The following LANCL2 variants were observed in gnomAD, a reference collection of about 807,000 sequenced individuals.
LANCL2 encodes LanC like glutathione S-transferase 2, also known as lanC-like protein 2.
LANCL2 carries 33 observed loss-of-function variants against 56.9 expected under a neutral mutation model. The ratio of observed to expected loss-of-function variants is 0.58; its 90% CI spans 0.44 to 0.78. The LOEUF (loss-of-function observed/expected upper bound fraction) is 0.78. Ranked by LOEUF, LANCL2 falls within the 30% of genes least tolerant of loss-of-function variation. The probability of loss-of-function intolerance (pLI) is 0.00; values close to 1 mark genes in which losing one functional copy is unlikely to be tolerated. For synonymous variants in LANCL2, 233 were observed against 228.2 expected, an observed-to-expected ratio of 1.02 and a Z score of -0.19; for missense variants, 562 against 580.2, an observed-to-expected ratio of 0.97 and a Z score of 0.32.
At chr7:55,381,461 G>C (rs189245188) in intron 1 of LANCL2, among the ~76,000 whole-genome samples, 31 of 152,346 alleles carry the variant, frequency 2.0e-4, no homozygotes, top group African/African-American at 7.2e-4. Flanking sequence ...ACCCAAAGAA[G>C]CTTAGCTAAA....
chr7:55,391,841 C>T lies in LANCL2; in HGVS notation c.253C>T (p.Leu85=), dbSNP rs1432207213. The change falls in exon 2 of 9, where the codon CTG becomes TTG. Residue 85 remains leucine, a synonymous_variant. Transcript: ENST00000254770. Reference sequence around the variant, plus strand: ...GATCCAGACCAAAATTAAAGATCTTCTGCAGCAAATGGAAGAAGGGCTGAA... The same window carrying T: ...GATCCAGACCAAAATTAAAGATCTTTTGCAGCAAATGGAAGAAGGGCTGAA... ...RRIQTKIKDL[L]QQMEEGLKTA... 6.2e-7 allele frequency: 1 copy of T among 1,612,872 alleles called. No homozygotes were observed. The highest frequency in any genetic ancestry group is 8.5e-7 in the Non-Finnish European group (1 of 1,178,970).
chr7:55,401,354 T>C (rs376348172), intron 5 of LANCL2, 34 bp downstream of exon 5: 176 of 1,569,044 alleles, frequency 1.1e-4, no homozygotes, highest in Non-Finnish European at 1.4e-4. Context: ...CTACAGTATA[T>C]TTGATCAAAC....
intron 2 of LANCL2, among the ~76,000 whole-genome samples, chr7:55,397,911 C>T (rs1790274442): frequency 6.6e-6 from 1 of 150,970 alleles, no homozygotes; most frequent in Admixed American, 6.6e-5. Flanking sequence ...GTTCATTGGT[C>T]AGTTGTAGGG....
chr7:55,382,896 C>A (rs1315819155), intron 1 of LANCL2, among the ~76,000 whole-genome samples: 4 of 152,176 alleles, frequency 2.6e-5, no homozygotes. Flanking sequence ...GCATTCTGGT[C>A]CCCAGGCAAG....
At chr7:55,368,578 A>G (rs145546124) in intron 1 of LANCL2, among the ~76,000 whole-genome samples, 2 of 152,388 alleles carry the variant, frequency 1.3e-5, no homozygotes, top group East Asian at 1.9e-4. Context: ...TATGATTGAC[A>G]TTAAATTTTT....
chr7:55,384,559 ATAAT>A (rs879494823), intron 1 of LANCL2, among the ~76,000 whole-genome samples: 1 of 152,144 alleles, frequency 6.6e-6, no homozygotes, highest in Admixed American at 6.5e-5. Flanking sequence ...CTCTAAAAAA[ATAAT>A]TAATTAAAAA....
chr7:55,410,499 C>T (rs1790458647), intron 5 of LANCL2, among the ~76,000 whole-genome samples: 2 of 152,096 alleles, frequency 1.3e-5, no homozygotes, highest in African/African-American at 4.8e-5. Context: ...TAGGAGATGT[C>T]ATGTTGTAAA....
intron 5 of LANCL2, among the ~76,000 whole-genome samples, chr7:55,407,722 C>A (rs902509350): frequency 6.6e-6 from 1 of 152,230 alleles, no homozygotes; most frequent in Admixed American, 6.5e-5. Flanking sequence ...AGCTGCAGCT[C>A]CTTCCTGAGT....
chr7:55,403,165 G>A lies in LANCL2; in HGVS notation c.825+1845G>A, dbSNP rs537456729. On this transcript the variant is annotated intron_variant, in intron 5 of 8. Transcript: ENST00000254770. Reference sequence around the variant, plus strand: ...CTGGGCACCATTGAACACTGAGTGAGTGAACGCGACTCCGTCTGCCATCCC... The same window carrying A: ...CTGGGCACCATTGAACACTGAGTGAATGAACGCGACTCCGTCTGCCATCCC... Among the ~76,000 whole-genome samples, 21 of 152,396 alleles carry A rather than the reference G, an allele frequency of 1.4e-4. No individual in the cohort carries two copies. The East Asian group carries it at 3.9e-3, about 28-fold the overall frequency.
intron 8 of LANCL2, among the ~76,000 whole-genome samples, chr7:55,428,714 T>C (rs1338921225): frequency 6.6e-6 from 1 of 152,212 alleles, no homozygotes; most frequent in African/African-American, 2.4e-5. Context: ...CTGTTAGCAA[T>C]GGAAGAAATA....
chr7:55,377,048 A>G (rs1790011337), intron 1 of LANCL2, among the ~76,000 whole-genome samples: 1 of 152,230 alleles, frequency 6.6e-6, no homozygotes, highest in South Asian at 2.1e-4. Flanking sequence ...CTTCATGCCA[A>G]GATAAAGAAA....
chr7:55,410,947 T>TGTG (rs35568268), intron 5 of LANCL2, among the ~76,000 whole-genome samples: 96,503 of 151,498 alleles, frequency 0.64, 31,215 homozygotes, highest in Admixed American at 0.71. Flanking sequence ...AAGGATGTCA[T>TGTG]GTGGTGACAT....
chr7:55,378,355 G>A (rs1019296241), intron 1 of LANCL2, among the ~76,000 whole-genome samples: 4 of 152,072 alleles, frequency 2.6e-5, no homozygotes, highest in African/African-American at 9.7e-5. Context: ...AGCTACCCGG[G>A]AGGCTGAGGC....
rs1461930714 is a variant in LANCL2, at chr7:55,433,262, C to A, written c.*1942C>A. 1 of 152,254 alleles carries A rather than the reference C, an allele frequency of 6.6e-6. No homozygotes were observed. Among genetic ancestry groups the A allele is most frequent in the Admixed American group, 6.5e-5 (1 of 15,290 alleles). 9.4% of individuals were successfully genotyped at this position (152,254 alleles called of 1,614,324 possible). A position where few individuals can be genotyped will look rare whatever the true frequency, so the allele number is the denominator to read the frequency against. ...AGTCCATCCACACACGTTTGAAAAA[C>A]ACTATTAGTCTTTCTAACACACTGA... is the stretch of plus-strand genomic sequence containing the variant. On this transcript the variant is annotated 3_prime_UTR_variant, in exon 9 of 9. Transcript: ENST00000254770.
At chr7:55,417,324 C>A (rs1790555562) in intron 6 of LANCL2, among the ~76,000 whole-genome samples, 2 of 151,906 alleles carry the variant, frequency 1.3e-5, no homozygotes, top group Non-Finnish European at 2.9e-5. Context: ...TGTTCCCATA[C>A]CTTTTGTGGA....
At chr7:55,393,586 T>C (rs1054038953) in intron 2 of LANCL2, among the ~76,000 whole-genome samples, 6 of 152,102 alleles carry the variant, frequency 3.9e-5, no homozygotes, top group Admixed American at 3.9e-4. Context: ...TAGACAGAGA[T>C]ATACATGTTA....
intron 1 of LANCL2, among the ~76,000 whole-genome samples, chr7:55,383,803 C>T (rs1471032191): frequency 1.3e-5 from 2 of 152,068 alleles, no homozygotes; most frequent in African/African-American, 2.4e-5. Context: ...TGCCACTGCA[C>T]TCCATACTGG....
At chr7:55,383,891 AC>A in intron 1 of LANCL2, among the ~76,000 whole-genome samples, 1 of 152,204 alleles carries the variant, frequency 6.6e-6, no homozygotes, top group East Asian at 1.9e-4. Context: ...AATTCAGCCA[AC>A]ACCCAGGAAT....
intron 5 of LANCL2, among the ~76,000 whole-genome samples, chr7:55,407,063 GCTT>G (rs1371644649): frequency 6.6e-6 from 1 of 152,214 alleles, no homozygotes; most frequent in Non-Finnish European, 1.5e-5. Context: ...GGCACAGGAG[GCTT>G]CTTTGAGCAT....
Sources: gnomAD v4.1 joint callset for allele counts (sites outside exome capture counted in the v4.1 genomes callset) on GRCh38, gnomAD v4.1.1 for gene constraint, MANE v1.5 for transcripts, NCBI Gene and HGNC (gene_info 2026-07-23, HGNC 2026-07-21) for gene names.